PCDH15: variants seen among roughly 807,000 people sequenced by gnomAD.
The protein encoded by PCDH15 is protocadherin-15.
Under a neutral mutation model 178.5 loss-of-function variants are expected in PCDH15, and 129 were observed. That is an observed-to-expected ratio of 0.72 (90% CI 0.63 to 0.84). PCDH15 has a LOEUF of 0.84. PCDH15 is among the 40% of genes least tolerant of loss of function. PCDH15 has a pLI of 0.00. For missense variants in PCDH15, 2,230 were observed against 2,099.9 expected, an observed-to-expected ratio of 1.06 and a Z score of -1.21; for synonymous variants, 800 against 732.0, an observed-to-expected ratio of 1.09 and a Z score of -1.50.
chr10:54,709,746 T>C (rs1484006453), intron 1 of PCDH15, among the ~76,000 whole-genome samples: 1 of 148,370 alleles, frequency 6.7e-6, no homozygotes, highest in East Asian at 2.0e-4. Flanking sequence ...TATTCATAAA[T>C]ATATGTGCAG....
At chr10:54,588,189 ATATT>A (rs1259265034) in intron 2 of PCDH15, among the ~76,000 whole-genome samples, 1 of 152,164 alleles carries the variant, frequency 6.6e-6, no homozygotes, top group Admixed American at 6.6e-5. Context: ...CAACAGAAAA[ATATT>A]TAAGAGGAAA....
intron 1 of PCDH15, among the ~76,000 whole-genome samples, chr10:54,777,224 T>C (rs994048539): frequency 1.3e-5 from 2 of 152,174 alleles, no homozygotes; most frequent in Non-Finnish European, 2.9e-5. Flanking sequence ...CGCACATCTA[T>C]ACAATACTAT....
intron 1 of PCDH15, among the ~76,000 whole-genome samples, chr10:55,230,269 T>A (rs903209710): frequency 2.0e-5 from 3 of 152,098 alleles, no homozygotes; most frequent in African/African-American, 4.8e-5. Flanking sequence ...TATTATTTGA[T>A]TATTGCATAA....
chr10:54,975,110 G>A (rs961611792), intron 2 of PCDH15, among the ~76,000 whole-genome samples: 1 of 152,146 alleles, frequency 6.6e-6, no homozygotes, highest in Non-Finnish European at 1.5e-5. Context: ...AGCTTTCGGT[G>A]TGTAAAATTA....
intron 2 of PCDH15, among the ~76,000 whole-genome samples, chr10:55,106,475 G>A (rs113221812): frequency 2.7e-4 from 41 of 152,154 alleles, no homozygotes; most frequent in African/African-American, 7.9e-4. Context: ...GTGCAGTGGC[G>A]CACGATCTCA....
At chr10:54,061,867 T>C (rs1247105571) in intron 18 of PCDH15, among the ~76,000 whole-genome samples, 3 of 152,156 alleles carry the variant, frequency 2.0e-5, no homozygotes, top group Non-Finnish European at 4.4e-5. Flanking sequence ...TTGCTATGTA[T>C]AATCCATAAA....
chr10:54,526,538 A>G (rs1589897359), intron 3 of PCDH15, among the ~76,000 whole-genome samples: 1 of 152,154 alleles, frequency 6.6e-6, no homozygotes, highest in East Asian at 1.9e-4. Context: ...ACTTTATAGT[A>G]TTTTAATATT....
At chr10:54,794,252 T>C (rs1297251456) in intron 1 of PCDH15, among the ~76,000 whole-genome samples, 1 of 151,196 alleles carries the variant, frequency 6.6e-6, no homozygotes, top group African/African-American at 2.4e-5. Context: ...ATTTTCTCAA[T>C]TACACAATAT....
intron 2 of PCDH15, among the ~76,000 whole-genome samples, chr10:54,966,942 C>G (rs1302184788): frequency 6.6e-6 from 1 of 151,898 alleles, no homozygotes; most frequent in African/African-American, 2.4e-5. Context: ...AATATCTAAA[C>G]ATAGAAAAGG....
chr10:54,907,753 G>T (rs968427007), intron 2 of PCDH15, among the ~76,000 whole-genome samples: 2 of 152,120 alleles, frequency 1.3e-5, no homozygotes, highest in Non-Finnish European at 2.9e-5. Flanking sequence ...GCAATATTGT[G>T]ATCTAGGGAT....
At chr10:55,226,322 G>A (rs565654477) in intron 1 of PCDH15, among the ~76,000 whole-genome samples, 4 of 152,032 alleles carry the variant, frequency 2.6e-5, no homozygotes, top group Non-Finnish European at 4.4e-5. Flanking sequence ...AATTTCTTCA[G>A]ATGAATACTA....
At chr10:55,057,827 A>C (rs1181966367) in intron 2 of PCDH15, among the ~76,000 whole-genome samples, 3 of 152,136 alleles carry the variant, frequency 2.0e-5, no homozygotes, top group African/African-American at 7.2e-5. Flanking sequence ...TCCTCATCTT[A>C]TTGTTATACC....
chr10:54,033,291 T>C (rs2093343680), intron 18 of PCDH15, among the ~76,000 whole-genome samples: 1 of 152,016 alleles, frequency 6.6e-6, no homozygotes, highest in Admixed American at 6.6e-5. Flanking sequence ...AAGATTTTTT[T>C]CTTTCTAATA....
chr10:54,482,821 A>G (rs112997750), intron 3 of PCDH15, among the ~76,000 whole-genome samples: 2,189 of 151,922 alleles, frequency 0.014, 65 homozygotes, highest in African/African-American at 0.05. Flanking sequence ...AGTGAATAGA[A>G]CAAAGTAGCC....
At chr10:54,147,016 T>TATAATGTATATATATAGTGTATATATAAC in intron 14 of PCDH15, among the ~76,000 whole-genome samples, 1 of 79,220 alleles carries the variant, frequency 1.3e-5, no homozygotes, top group South Asian at 4.6e-4. Flanking sequence ...GTATATATAA[T>TATAATGTATATATATAGTGTATATATAAC]GTGTATATAT....
At chr10:54,557,950 A>G (rs2087522730) in intron 2 of PCDH15, among the ~76,000 whole-genome samples, 1 of 152,104 alleles carries the variant, frequency 6.6e-6, no homozygotes, top group African/African-American at 2.4e-5. Flanking sequence ...TCAGCATTCA[A>G]ATATCAGGTT....
chr10:54,443,101 G>T (rs922571558), intron 3 of PCDH15, among the ~76,000 whole-genome samples: 8 of 151,588 alleles, frequency 5.3e-5, no homozygotes, highest in African/African-American at 1.7e-4. Flanking sequence ...GTTTAAGTTT[G>T]ACAAGCATCT....
At chr10:54,184,386 A>AT (rs5785044) in intron 12 of PCDH15, among the ~76,000 whole-genome samples, 41,839 of 151,650 alleles carry the variant, frequency 0.28, 6,618 homozygotes, top group Non-Finnish European at 0.37. Context: ...TAGAAGTTAC[A>AT]TTTTTTCTTT....
intron 2 of PCDH15, among the ~76,000 whole-genome samples, chr10:55,327,161 C>A (rs1383475427): frequency 6.6e-6 from 1 of 152,006 alleles, no homozygotes; most frequent in Non-Finnish European, 1.5e-5. Context: ...ATAAACGAGA[C>A]CCCAGCAATA....
Sources: allele counts gnomAD v4.1 joint callset (sites outside exome capture counted in the v4.1 genomes callset), GRCh38; gene constraint gnomAD v4.1.1; transcripts MANE v1.5; gene names NCBI Gene and HGNC (gene_info 2026-07-23, HGNC 2026-07-21).